Variants in PCM1 observed in about 807,000 individuals in gnomAD.
PCM1 encodes pericentriolar material 1.
Under a neutral mutation model 241.9 loss-of-function variants are expected in PCM1, and 157 were observed. The observed-to-expected ratio is 0.65, with a 90% confidence interval of 0.57 to 0.74. The LOEUF is 0.74. Ranked by LOEUF, PCM1 falls within the 30% of genes least tolerant of loss-of-function variation. The pLI, the probability that PCM1 is intolerant of heterozygous loss-of-function variation, is 0.00. For synonymous variants in PCM1, 1,085 were observed against 784.9 expected, an observed-to-expected ratio of 1.38 and a Z score of -6.39; for missense variants, 3,478 against 2,360.1, an observed-to-expected ratio of 1.47 and a Z score of -9.81.
chr8:17,929,850 C>G (rs1383795552), intron 2 of PCM1, among the ~76,000 whole-genome samples: 1 of 152,148 alleles, frequency 6.6e-6, no homozygotes, highest in African/African-American at 2.4e-5. Context: ...TTAACAATAA[C>G]TAATAAGACA....
At chr8:18,026,368 C>T (rs750822072) in intron 38 of PCM1, among the ~76,000 whole-genome samples, 1 of 146,694 alleles carries the variant, frequency 6.8e-6, no homozygotes, top group African/African-American at 2.5e-5. Context: ...CGCCATTCTT[C>T]TGCCTCAGCC....
intron 36 of PCM1, among the ~76,000 whole-genome samples, chr8:18,016,075 A>G (rs143487688): frequency 0.017 from 2,600 of 152,206 alleles, 42 homozygotes; most frequent in South Asian, 0.044. Flanking sequence ...TTTTTAGTAG[A>G]GACAGGGTTT....
At chr8:17,962,475 A>T (rs1563963922) in intron 16 of PCM1, among the ~76,000 whole-genome samples, 1 of 152,176 alleles carries the variant, frequency 6.6e-6, no homozygotes. Flanking sequence ...AGAAATATAT[A>T]GGGGGGTAGT....
At chr8:18,000,690 C>T (rs59510497) in intron 29 of PCM1, among the ~76,000 whole-genome samples, 101 of 152,190 alleles carry the variant, frequency 6.6e-4, no homozygotes, top group African/African-American at 2.2e-3. Flanking sequence ...GGCGCGATCT[C>T]GGCTCACTGC....
chr8:17,957,892 G>GGA (rs2069402937), intron 13 of PCM1, 117 bp downstream of exon 13: 1 of 697,750 alleles, frequency 1.4e-6, no homozygotes, highest in Non-Finnish European at 2.3e-6. Context: ...TGTATCATAT[G>GGA]TGAGGTTTAA....
At chr8:17,976,879 T>C (rs190768497) in intron 23 of PCM1, among the ~76,000 whole-genome samples, 64 of 152,274 alleles carry the variant, frequency 4.2e-4, no homozygotes, top group Middle Eastern at 3.4e-3. Flanking sequence ...TTTTTTTTTT[T>C]TCTCTTTTCG....
Position 17,966,349 on chromosome 8 carries a change from A to G in PCM1, c.3097A>G (p.Thr1033Ala). The stretch of plus-strand genomic sequence containing the variant: ...ATAGACTCTATCTTGTCTGCTACAA[A>G]CTCTTCTCACGGGTCCTTACAGTGT... The part of the protein sequence containing the change: ...DQQTLSCLLQ[T>A]LLTGPYSVMP... Residue 1033 changes from threonine (T) to alanine (A), a missense_variant, in exon 20 of 39, where the codon ACT becomes GCT. By Grantham distance (58) the Thr-to-Ala change is moderately conservative. Coordinates refer to ENST00000325083, the MANE Select transcript of PCM1 (RefSeq NM_006197.4). 6.2e-7 allele frequency: 1 copy of G among 1,613,764 alleles called. No individual in the cohort carries two copies. Among genetic ancestry groups the G allele is most frequent in the Non-Finnish European group, 8.5e-7 (1 of 1,179,800 alleles).
chr8:17,934,000 TTG>T (rs1228850757), intron 2 of PCM1, among the ~76,000 whole-genome samples: 1 of 152,080 alleles, frequency 6.6e-6, no homozygotes, highest in Non-Finnish European at 1.5e-5. Context: ...GTCAATGTAT[TTG>T]TGATTTTTAA....
chr8:17,991,595 C>T lies in PCM1; in HGVS notation c.4585C>T (p.Arg1529Cys), dbSNP rs777036141. The T allele has an allele frequency of 3.8e-6, 6 of 1,596,896 alleles. No individual in the cohort carries two copies. The highest frequency in any genetic ancestry group is 3.4e-6 in the Non-Finnish European group (4 of 1,170,754). The change falls in exon 28 of 39, where the codon CGT becomes TGT. Residue 1529 changes from arginine (R) to cysteine (C), a missense_variant. Arg to Cys is a radical substitution (Grantham distance 180). Coordinates refer to ENST00000325083, the MANE Select transcript of PCM1 (RefSeq NM_006197.4). ...QALARMREYE[R>C]MKTEAESNSN... The stretch of plus-strand genomic sequence containing the variant: ...ATTAGCCAGAATGAGAGAATATGAG[C>T]GTATGAAGACTGAGGCTGAAAGTAA...
intron 23 of PCM1, among the ~76,000 whole-genome samples, 198 bp downstream of exon 23, chr8:17,972,885 G>A (rs1376045111): frequency 6.6e-6 from 1 of 151,956 alleles, no homozygotes; most frequent in East Asian, 1.9e-4. Context: ...TTAATTTTCT[G>A]GATTAATGTT....
intron 29 of PCM1, among the ~76,000 whole-genome samples, chr8:17,994,353 A>G (rs1704567527): frequency 6.6e-6 from 1 of 152,218 alleles, no homozygotes; most frequent in Non-Finnish European, 1.5e-5. Context: ...GTTGTTGCAG[A>G]TGACAAGGTC....
intron 30 of PCM1, among the ~76,000 whole-genome samples, chr8:18,009,305 G>A (rs1439340642): frequency 6.6e-6 from 1 of 152,152 alleles, no homozygotes; most frequent in African/African-American, 2.4e-5. Context: ...GTGCCCAGCA[G>A]TTACATCAAA....
intron 9 of PCM1, among the ~76,000 whole-genome samples, chr8:17,954,304 G>A (rs1046979679): frequency 3.9e-5 from 6 of 152,120 alleles, no homozygotes; most frequent in African/African-American, 1.4e-4. Context: ...GTACATGCCT[G>A]TAATCTCAGC....
At chr8:17,929,913 C>T (rs558079835) in intron 2 of PCM1, among the ~76,000 whole-genome samples, 31 of 152,210 alleles carry the variant, frequency 2.0e-4, no homozygotes, top group African/African-American at 6.7e-4. Flanking sequence ...TGGTCTCTGT[C>T]GCTCAAAATA....
At chr8:17,992,805 T>C (rs930771633) in intron 28 of PCM1, among the ~76,000 whole-genome samples, 1 of 151,812 alleles carries the variant, frequency 6.6e-6, no homozygotes, top group East Asian at 1.9e-4. Flanking sequence ...TTAGTAGAGA[T>C]GGGATTTCAG....
chr8:18,027,758 A>ATTAGT lies in PCM1; in HGVS notation c.*99_*103dup. On this transcript the variant is annotated 3_prime_UTR_variant, in exon 39 of 39. Coordinates refer to ENST00000325083, the MANE Select transcript of PCM1 (RefSeq NM_006197.4). The stretch of plus-strand genomic sequence containing the variant: ...ACATCTGATCTGTATAAAAATGTAA[A>ATTAGT]TTAGTTTGACACTGCTTTTTTGATA... The ATTAGT allele has an allele frequency of 1.2e-6, 1 of 864,644 alleles. No homozygotes were observed. The highest frequency in any genetic ancestry group is 1.7e-6 in the Non-Finnish European group (1 of 577,068). The allele number at this position is 864,644 out of a possible 1,614,324, so 53.6% of individuals were successfully genotyped here.
chr8:18,002,062 T>TC lies in PCM1; in HGVS notation c.4828-4201_4828-4200insC, dbSNP rs1345190163. Among the ~76,000 whole-genome samples the TC allele has an allele frequency of 1.3e-4, 4 of 30,888 alleles. 1 individual carries two copies. The highest frequency in any genetic ancestry group is 2.3e-4 in the Non-Finnish European group (4 of 17,052). 20.3% of individuals were successfully genotyped at this position (30,888 alleles called of 152,430 possible). On this transcript the variant is annotated intron_variant, in intron 29 of 38. Transcript: ENST00000325083. Reference sequence around the variant, plus strand: ...TGGAGAGATCTGTTAAATTTTTTTTTTCTTTTTTTTTTTTTCTTTTTTTTA... The same window carrying TC: ...TGGAGAGATCTGTTAAATTTTTTTTTCTCTTTTTTTTTTTTTCTTTTTTTTA...
intron 17 of PCM1, among the ~76,000 whole-genome samples, 191 bp downstream of exon 17, chr8:17,963,482 A>T (rs2073478353): frequency 6.6e-6 from 1 of 152,202 alleles, no homozygotes; most frequent in African/African-American, 2.4e-5. Context: ...TTCTCGTAGC[A>T]TCAGCTTTCT....
chr8:17,981,905 GAAA>G (rs3216301), intron 24 of PCM1, among the ~76,000 whole-genome samples: 6 of 149,086 alleles, frequency 4.0e-5, no homozygotes, highest in Non-Finnish European at 5.9e-5. Flanking sequence ...GACAAAAGGG[GAAA>G]AAAAAAAAAG....
Sources: allele counts gnomAD v4.1 joint callset (sites outside exome capture counted in the v4.1 genomes callset), GRCh38; gene constraint gnomAD v4.1.1; transcripts MANE v1.5; gene names NCBI Gene and HGNC (gene_info 2026-07-23, HGNC 2026-07-21).